Variants in DLAT observed in about 807,000 individuals in gnomAD.
The protein encoded by DLAT is dihydrolipoamide S-acetyltransferase.
DLAT carries 43 observed loss-of-function variants against 68.0 expected under a neutral mutation model. The observed-to-expected ratio is 0.63, with a 90% CI of 0.50 to 0.81. DLAT has a LOEUF of 0.81. Among genes scored for constraint, DLAT ranks in the 40% least tolerant of loss-of-function variants. The pLI is 0.00. For missense variants in DLAT, 745 were observed against 815.4 expected (o/e 0.91, Z 1.05); for synonymous variants, 265 against 288.6 (o/e 0.92, Z 0.83).
chr11:112,056,380 T>C (rs782073991), intron 11 of DLAT, among the ~76,000 whole-genome samples: 3 of 152,204 alleles, frequency 2.0e-5, no homozygotes, highest in Admixed American at 1.3e-4. Context: ...CAATTTGTTA[T>C]AGTGCTTGAG....
rs587736226 is a variant in DLAT, at chr11:112,061,520, C to T, written c.1814+346C>T. Reference sequence around the variant, plus strand: ...CCATGGTTGGTTGAATCTATGGATTCGGAACCCATGGATATATGGAGGGTC... The same window carrying T: ...CCATGGTTGGTTGAATCTATGGATTTGGAACCCATGGATATATGGAGGGTC... On this transcript the variant is annotated intron_variant, in intron 13 of 13. Coordinates refer to ENST00000280346, the MANE Select transcript of DLAT (RefSeq NM_001931.5). The T allele has an allele frequency of 2.4e-5, 7 of 293,934 alleles. 1 individual carries two copies. The highest frequency in any genetic ancestry group is 2.5e-3 in the Middle Eastern group (2 of 806). 18.2% of individuals were successfully genotyped at this position (293,934 alleles called of 1,614,324 possible).
At chr11:112,061,939 T>TTA (rs1484740797) in intron 13 of DLAT, among the ~76,000 whole-genome samples, 5 of 152,000 alleles carry the variant, frequency 3.3e-5, no homozygotes, top group South Asian at 2.1e-4. Flanking sequence ...TCAAATAAAA[T>TTA]TATATATATA....
intron 2 of DLAT, among the ~76,000 whole-genome samples, chr11:112,026,973 C>T (rs1488945404): frequency 1.1e-4 from 17 of 149,606 alleles, no homozygotes; most frequent in African/African-American, 3.9e-4. Context: ...CCGGACGGGG[C>T]GGCTGGCTGG....
intron 7 of DLAT, among the ~76,000 whole-genome samples, chr11:112,041,018 A>G (rs1277377392): frequency 6.6e-6 from 1 of 152,134 alleles, no homozygotes; most frequent in Non-Finnish European, 1.5e-5. Flanking sequence ...CACATCAGAC[A>G]CTTGTTCATC....
chr11:112,048,609 C>G (rs782324537), intron 10 of DLAT, among the ~76,000 whole-genome samples: 8 of 152,208 alleles, frequency 5.3e-5, no homozygotes, highest in Non-Finnish European at 1.0e-4. Context: ...TCTTGGCTTA[C>G]TGCAACCTCC....
chr11:112,059,325 A>G (rs1864372546), intron 11 of DLAT, among the ~76,000 whole-genome samples: 1 of 148,978 alleles, frequency 6.7e-6, no homozygotes, highest in South Asian at 2.1e-4. Flanking sequence ...TGCGAAACCA[A>G]CCTACTGCTG....
At chr11:112,059,840 T>C (rs1864441427) in intron 11 of DLAT, 63 bp from the exon 12 acceptor site, 4 of 1,395,174 alleles carry the variant, frequency 2.9e-6, no homozygotes, top group Admixed American at 2.3e-5. Context: ...TATTCTTGCT[T>C]AACCTGGCAC....
chr11:112,026,974 G>A (rs1284358023), intron 2 of DLAT, among the ~76,000 whole-genome samples: 7 of 149,828 alleles, frequency 4.7e-5, no homozygotes, highest in African/African-American at 9.7e-5. Flanking sequence ...CGGACGGGGC[G>A]GCTGGCTGGG....
Position 112,062,539 on chromosome 11 carries a change from A to G in DLAT, c.*4A>G. ...ACCTATCACTATGTTGTTGTAACTA[A>G]CTCAAGAATTTCTAAACTCTCCCAG... On this transcript the variant is annotated 3_prime_UTR_variant, in exon 14 of 14. Coordinates refer to ENST00000280346, the MANE Select transcript of DLAT (RefSeq NM_001931.5). 1 of 1,612,230 alleles carries G rather than the reference A, an allele frequency of 6.2e-7. No individual in the cohort carries two copies. Among genetic ancestry groups the G allele is most frequent in the South Asian group, 1.1e-5 (1 of 90,990 alleles).
At chr11:112,056,843 T>C (rs1864122732) in intron 11 of DLAT, among the ~76,000 whole-genome samples, 1 of 152,218 alleles carries the variant, frequency 6.6e-6, no homozygotes, top group African/African-American at 2.4e-5. Flanking sequence ...TTTGTTACCG[T>C]GTGGGTGTGA....
rs1335723539 is a variant in DLAT, at chr11:112,027,914, G to GGGGAGAGGGAGAGGGAGACGGAGA, written c.382-585_382-562dup. Among the ~76,000 whole-genome samples, 5 of 150,444 alleles carry GGGGAGAGGGAGAGGGAGACGGAGA rather than the reference G, an allele frequency of 3.3e-5. No homozygotes were observed. In the South Asian group the frequency reaches 1.0e-3, roughly 31 times the overall value. On this transcript the variant is annotated intron_variant, in intron 2 of 13. Transcript: ENST00000280346. ...GGAAAGAGAGGGAGAGGGAGACCGT[G>GGGGAGAGGGAGAGGGAGACGGAGA]GGGAGAGGGAGAGGGAGACGGAGAG... is the stretch of plus-strand genomic sequence containing the variant.
intron 10 of DLAT, among the ~76,000 whole-genome samples, chr11:112,047,425 T>G (rs184736181): frequency 3.6e-4 from 55 of 152,342 alleles, no homozygotes; most frequent in Middle Eastern, 3.4e-3. Context: ...GCCTGTTCAC[T>G]CTGATGATAG....
chr11:112,047,690 C>T (rs797040379), intron 10 of DLAT, among the ~76,000 whole-genome samples: 1 of 152,180 alleles, frequency 6.6e-6, no homozygotes, highest in Admixed American at 6.5e-5. Context: ...TATGGCTAGC[C>T]AGTTTTCCCA....
chr11:112,038,827 C>G (rs1377327125), intron 6 of DLAT, among the ~76,000 whole-genome samples: 1 of 147,826 alleles, frequency 6.8e-6, no homozygotes, highest in Non-Finnish European at 1.5e-5. Context: ...GCCTGGGTGA[C>G]AGAGCAAGAC....
chr11:112,045,307 CACATTA>C, intron 9 of DLAT, 77 bp downstream of exon 9: 1 of 1,206,944 alleles, frequency 8.3e-7, no homozygotes, highest in Non-Finnish European at 1.2e-6. Context: ...TAGTTTTTAA[CACATTA>C]ACAGAGGCTT....
At chr11:112,025,871 C>T (rs1861967545) in intron 1 of DLAT, 120 bp downstream of exon 1, 1 of 1,331,544 alleles carries the variant, frequency 7.5e-7, no homozygotes, top group Admixed American at 2.5e-5. Flanking sequence ...CTGCTTTGGC[C>T]CTTTGTCCAA....
chr11:112,053,133 C>A (rs782103233), intron 11 of DLAT, among the ~76,000 whole-genome samples: 2 of 152,118 alleles, frequency 1.3e-5, no homozygotes, highest in South Asian at 4.2e-4. Context: ...ACCAGCCTGG[C>A]CAACATGGTG....
chr11:112,026,262 A>G lies in DLAT; in HGVS notation c.344A>G (p.Glu115Gly), dbSNP rs1861995392. 2.5e-6 allele frequency: 4 copies of G among 1,606,726 alleles called. No individual in the cohort carries two copies. The highest frequency in any genetic ancestry group is 3.4e-6 in the Non-Finnish European group (4 of 1,175,972). ...AGTIARWEKKEGDKINEGDLI... is the reference protein window; with the variant it reads ...AGTIARWEKKGGDKINEGDLI... ...ACCATAGCCCGTTGGGAAAAAAAAG[A>G]GGGGGACAAAATCAATGAAGGTGAC... Residue 115 changes from glutamate (E) to glycine (G), a missense_variant, in exon 2 of 14, where the codon GAG becomes GGG. Coordinates refer to ENST00000280346, the MANE Select transcript of DLAT (RefSeq NM_001931.5).
intron 11 of DLAT, among the ~76,000 whole-genome samples, chr11:112,052,899 T>C: frequency 6.6e-6 from 1 of 152,094 alleles, no homozygotes; most frequent in East Asian, 1.9e-4. Context: ...ATGGAGCTTA[T>C]TATATAAGGG....
Sources: allele counts gnomAD v4.1 joint callset (sites outside exome capture counted in the v4.1 genomes callset), GRCh38; gene constraint gnomAD v4.1.1; transcripts MANE v1.5; gene names NCBI Gene and HGNC (gene_info 2026-07-23, HGNC 2026-07-21).